Variants in ITPR2 observed in about 807,000 individuals in gnomAD.
ITPR2 encodes the protein inositol 1,4,5-trisphosphate-gated calcium channel ITPR2.
In ITPR2, 207 loss-of-function variants were observed where a neutral mutation model predicts 317.1. That is an observed-to-expected ratio of 0.65 (90% CI 0.58 to 0.73). The LOEUF (loss-of-function observed/expected upper bound fraction) is 0.73, where lower values mean the gene tolerates loss of function less well. Among genes scored for constraint, ITPR2 ranks in the 30% least tolerant of loss-of-function variants. ITPR2 has a pLI of 0.00. For synonymous variants in ITPR2, 1,156 were observed against 1,149.1 expected (o/e 1.01, Z -0.12); for missense variants, 2,613 against 3,284.0 (o/e 0.80, Z 4.99).
intron 49 of ITPR2, among the ~76,000 whole-genome samples, chr12:26,420,976 A>AAAAAT (rs1940872888): frequency 6.6e-6 from 1 of 152,164 alleles, no homozygotes; most frequent in Non-Finnish European, 1.5e-5. Flanking sequence ...TAAGTTGTAT[A>AAAAAT]AAAATAAAAT....
intron 22 of ITPR2, among the ~76,000 whole-genome samples, chr12:26,631,283 C>A (rs911680982): frequency 6.6e-6 from 1 of 152,112 alleles, no homozygotes; most frequent in Admixed American, 6.5e-5. Flanking sequence ...AATTTATCTC[C>A]TTTAAATTCT....
intron 51 of ITPR2, among the ~76,000 whole-genome samples, chr12:26,412,073 T>C (rs12579456): frequency 0.2 from 30,729 of 152,160 alleles, 4,234 homozygotes; most frequent in Non-Finnish European, 0.29. Flanking sequence ...TAGTAACACA[T>C]ATGAAGTAAA....
intron 32 of ITPR2, among the ~76,000 whole-genome samples, chr12:26,585,029 C>T (rs576344840): frequency 2.6e-5 from 4 of 151,986 alleles, no homozygotes; most frequent in Non-Finnish European, 4.4e-5. Flanking sequence ...TCTTAGAATT[C>T]GAAATTCTTT....
chr12:26,719,779 G>A (rs1022431329), intron 5 of ITPR2, among the ~76,000 whole-genome samples: 1 of 152,038 alleles, frequency 6.6e-6, no homozygotes, highest in East Asian at 1.9e-4. Flanking sequence ...ACAGTCCCTG[G>A]TGGGCACACA....
chr12:26,417,974 G>A (rs1032777870), intron 50 of ITPR2, among the ~76,000 whole-genome samples: 1 of 152,114 alleles, frequency 6.6e-6, no homozygotes, highest in Non-Finnish European at 1.5e-5. Flanking sequence ...AACTTTTTCT[G>A]GTGAATCAGG....
intron 35 of ITPR2, among the ~76,000 whole-genome samples, 187 bp from the exon 36 acceptor site, chr12:26,556,562 T>TGTGTGTG (rs1319543594): frequency 0.043 from 4,235 of 99,028 alleles, 80 homozygotes; most frequent in Non-Finnish European, 0.075. Context: ...CTCTATTTTT[T>TGTGTGTG]TTTTTGTGTG....
chr12:26,447,121 A>C (rs922291860), intron 45 of ITPR2, among the ~76,000 whole-genome samples: 1 of 152,074 alleles, frequency 6.6e-6, no homozygotes, highest in African/African-American at 2.4e-5. Flanking sequence ...AGCACTAAAA[A>C]CAGAATTTGA....
chr12:26,784,140 G>T (rs1950145871), intron 2 of ITPR2, among the ~76,000 whole-genome samples: 1 of 152,064 alleles, frequency 6.6e-6, no homozygotes, highest in African/African-American at 2.4e-5. Flanking sequence ...TGTCCCCAGT[G>T]AGATGCAAAT....
chr12:26,665,293 C>T (rs998654216), intron 14 of ITPR2, among the ~76,000 whole-genome samples: 2 of 152,186 alleles, frequency 1.3e-5, no homozygotes, highest in Non-Finnish European at 2.9e-5. Flanking sequence ...CCTGGAAATT[C>T]TACCTAGGAA....
Position 26,656,287 on chromosome 12 carries a change from C to T in ITPR2, c.2444+10G>A, listed in dbSNP as rs938178430. ...AATTCCAAAGCCTCAAGACCTTTTT[C>T]CAAACATACTCATGAATTGTGATCT... On this transcript the variant is annotated intron_variant, in intron 19 of 56. Coordinates refer to ENST00000381340, the MANE Select transcript of ITPR2 (RefSeq NM_002223.4). The T allele has an allele frequency of 6.2e-7, 1 of 1,611,904 alleles. No individual in the cohort carries two copies. Among genetic ancestry groups the T allele is most frequent in the Admixed American group, 1.7e-5 (1 of 59,572 alleles).
chr12:26,718,441 C>A (rs1948778214), intron 5 of ITPR2, among the ~76,000 whole-genome samples: 1 of 151,758 alleles, frequency 6.6e-6, no homozygotes, highest in Admixed American at 6.6e-5. Flanking sequence ...TGCTATTTTA[C>A]TATAGTTGTC....
Position 26,658,147 on chromosome 12 carries a change from A to C in ITPR2, c.1887-17T>G. 2 of 1,536,316 alleles carry C rather than the reference A, an allele frequency of 1.3e-6. No homozygotes were observed. The highest frequency in any genetic ancestry group is 1.3e-5 in the South Asian group (1 of 77,096). ...TCCAAAAACCTGGCAAAAGAAAAAA[A>C]TTAAATGGAATATGAAGACAAAGCA... On this transcript the variant is annotated splice_polypyrimidine_tract_variant and intron_variant, in intron 16 of 56. Transcript: ENST00000381340.
chr12:26,793,068 T>C (rs1202507075), intron 1 of ITPR2, among the ~76,000 whole-genome samples: 1 of 152,226 alleles, frequency 6.6e-6, no homozygotes, highest in South Asian at 2.1e-4. Flanking sequence ...CTGACTTTCA[T>C]TGGGTTTATA....
intron 51 of ITPR2, among the ~76,000 whole-genome samples, chr12:26,412,443 T>C (rs1940579545): frequency 6.6e-6 from 1 of 152,132 alleles, no homozygotes; most frequent in African/African-American, 2.4e-5. Flanking sequence ...TGTGCGGGTG[T>C]GGGGGGTCAG....
intron 45 of ITPR2, among the ~76,000 whole-genome samples, chr12:26,445,935 C>T (rs1001401532): frequency 6.6e-6 from 1 of 152,040 alleles, no homozygotes; most frequent in African/African-American, 2.4e-5. Context: ...AACATCTTGA[C>T]TAGGTGAGAG....
chr12:26,675,699 TA>T (rs911550509), intron 13 of ITPR2, among the ~76,000 whole-genome samples: 11 of 149,318 alleles, frequency 7.4e-5, no homozygotes, highest in East Asian at 2.0e-4. Context: ...AGTATAATAA[TA>T]AAAAAAAAAT....
intron 52 of ITPR2, among the ~76,000 whole-genome samples, chr12:26,404,065 A>C (rs1379622988): frequency 6.6e-6 from 1 of 152,178 alleles, no homozygotes; most frequent in East Asian, 1.9e-4. Context: ...GGTGAATTGA[A>C]GAGGAAAGAA....
intron 2 of ITPR2, among the ~76,000 whole-genome samples, chr12:26,733,325 A>AAAAAG (rs1555183863): frequency 1.8e-4 from 20 of 108,562 alleles, no homozygotes; most frequent in Non-Finnish European, 2.8e-4. Flanking sequence ...AAAAAAAAAA[A>AAAAAG]AAAAGAAAAG....
Position 26,833,035 on chromosome 12 carries a change from A to AGCCGCC in ITPR2, c.-260_-255dup, listed in dbSNP as rs1951144728. ...CAGCCCAGGCGCCCAGAGAAGCCGC[A>AGCCGCC]GCCGCCGCCGCCTCCCCGGCAGGTT... On this transcript the variant is annotated 5_prime_UTR_variant, in exon 1 of 57. Coordinates refer to ENST00000381340, the MANE Select transcript of ITPR2 (RefSeq NM_002223.4). The AGCCGCC allele has an allele frequency of 2.2e-6, 1 of 464,900 alleles. No homozygotes were observed. Among genetic ancestry groups the AGCCGCC allele is most frequent in the Non-Finnish European group, 3.7e-6 (1 of 266,812 alleles). The allele number at this position is 464,900 out of a possible 1,614,324, so 28.8% of individuals were successfully genotyped here. A position where few individuals can be genotyped will look rare whatever the true frequency, so the allele number is the denominator to read the frequency against.
Sources: gnomAD v4.1 joint callset for allele counts (sites outside exome capture counted in the v4.1 genomes callset) on GRCh38, gnomAD v4.1.1 for gene constraint, MANE v1.5 for transcripts, NCBI Gene and HGNC (gene_info 2026-07-23, HGNC 2026-07-21) for gene names.